Variants in CHAF1A observed in about 807,000 individuals in gnomAD.
CHAF1A encodes the protein chromatin assembly factor 1 subunit A.
Under a neutral mutation model 93.2 loss-of-function variants are expected in CHAF1A, and 5 were observed. The ratio of observed to expected loss-of-function variants is 0.05; its 90% CI spans 0.03 to 0.11. The LOEUF is 0.11. Among genes scored for constraint, CHAF1A ranks in the 10% least tolerant of loss-of-function variants. CHAF1A has a pLI of 1.00. For missense variants in CHAF1A, 1,102 were observed against 1,259.9 expected, an observed-to-expected ratio of 0.87 and a Z score of 1.90; for synonymous variants, 504 against 510.3, an observed-to-expected ratio of 0.99 and a Z score of 0.17.
chr19:4,442,854 A>G (rs1974419487), intron 14 of CHAF1A, 71 bp from the exon 15 acceptor site: 2 of 1,158,472 alleles, frequency 1.7e-6, no homozygotes, highest in Admixed American at 2.8e-5. Context: ...ATGAGGCAGC[A>G]GGGTGGGGTC....
intron 10 of CHAF1A, chr19:4,430,090 A>C: frequency 2.5e-6 from 1 of 403,736 alleles, no homozygotes; most frequent in Non-Finnish European, 4.5e-6. Flanking sequence ...TTTCCTCCTG[A>C]CTGCCCAGCT....
At chr19:4,429,883 C>A in intron 10 of CHAF1A, 95 bp downstream of exon 10, 1 of 1,047,132 alleles carries the variant, frequency 9.5e-7, no homozygotes, top group Non-Finnish European at 1.4e-6. Context: ...CAGCTGTGTT[C>A]ACTCACTGAC....
In CHAF1A at chr19:4,422,599, C is replaced by T. The variant is rs867726470; in HGVS notation, c.1051C>T (p.Arg351Cys). Residue 351 changes from arginine (R) to cysteine (C), a missense_variant, in exon 5 of 15, where the codon CGT becomes TGT. Physicochemically the swap from Arg to Cys is radical, Grantham distance 180. Coordinates refer to ENST00000301280, the MANE Select transcript of CHAF1A (RefSeq NM_005483.3). The surrounding 1 kb of genome is among the most constrained non-coding windows in gnomAD (Gnocchi z 4.6). ...QERLGKQLKL[R>C]AEREEKEKLK... ...GCGTCTGGGCAAGCAGCTCAAGTTACGTGCAGAAAGGGAAGAAAAGGAGAA... is the reference window on the plus strand; with the variant it reads ...GCGTCTGGGCAAGCAGCTCAAGTTATGTGCAGAAAGGGAAGAAAAGGAGAA... 3.2e-6 allele frequency: 5 copies of T among 1,577,336 alleles called. No homozygotes were observed. In the Admixed American group the frequency reaches 7.5e-5, roughly 24 times the overall value.
chr19:4,437,091 G>A (rs970886231), intron 13 of CHAF1A, among the ~76,000 whole-genome samples: 3 of 152,212 alleles, frequency 2.0e-5, no homozygotes, highest in African/African-American at 7.2e-5. Context: ...GGCCTCTGCT[G>A]CGTGGCACAG....
intron 13 of CHAF1A, among the ~76,000 whole-genome samples, chr19:4,441,379 G>A (rs926475842): frequency 1.3e-5 from 2 of 151,968 alleles, no homozygotes; most frequent in Non-Finnish European, 2.9e-5. Flanking sequence ...GGAGGCTGAG[G>A]TGGGTAGATC....
chr19:4,422,517 C>T lies in CHAF1A; in HGVS notation c.1018-49C>T. The T allele has an allele frequency of 6.6e-7, 1 of 1,517,734 alleles. No individual in the cohort carries two copies. The highest frequency in any genetic ancestry group is 8.9e-7 in the Non-Finnish European group (1 of 1,117,674). The allele number at this position is 1,517,734 out of a possible 1,614,324, so 94.0% of individuals were successfully genotyped here. A position where few individuals can be genotyped will look rare whatever the true frequency, so the allele number is the denominator to read the frequency against. On this transcript the variant is annotated intron_variant, in intron 4 of 14. Transcript: ENST00000301280. The surrounding 1 kb of genome is among the most constrained non-coding windows in gnomAD (Gnocchi z 4.6). ...TCCATGCTGTGAACCGAGCTTCCTC[C>T]TGGGAGTTGGAGGGAGGGCCACCTG...
chr19:4,442,422 C>T (rs990978211), intron 14 of CHAF1A, 81 bp downstream of exon 14: 3 of 1,169,582 alleles, frequency 2.6e-6, no homozygotes, highest in South Asian at 2.7e-5. Context: ...GATGGGGCTG[C>T]CTAAGACTAG....
intron 3 of CHAF1A, 139 bp downstream of exon 3, chr19:4,409,898 C>A: frequency 2.1e-6 from 2 of 932,992 alleles, no homozygotes; most frequent in African/African-American, 1.6e-5. Context: ...ACGTGGAGTT[C>A]TTCCTGGTAT....
At chr19:4,439,773 T>G (rs1974352861) in intron 13 of CHAF1A, among the ~76,000 whole-genome samples, 1 of 152,264 alleles carries the variant, frequency 6.6e-6, no homozygotes. Context: ...CCAGGCTCAG[T>G]GGCTCATGCC....
At chr19:4,408,526 T>C (rs1973728302) in intron 2 of CHAF1A, among the ~76,000 whole-genome samples, 3 of 130,578 alleles carry the variant, frequency 2.3e-5, no homozygotes, top group African/African-American at 8.9e-5. Flanking sequence ...CAGGCTACAG[T>C]GCAGTGTTGG....
chr19:4,426,770 A>G (rs957046490), intron 7 of CHAF1A, among the ~76,000 whole-genome samples: 2 of 152,090 alleles, frequency 1.3e-5, no homozygotes, highest in Non-Finnish European at 2.9e-5. Flanking sequence ...CACCACGCCC[A>G]GCTACAGTGT....
At chr19:4,416,647 T>G (rs1184899733) in intron 3 of CHAF1A, among the ~76,000 whole-genome samples, 1 of 114,036 alleles carries the variant, frequency 8.8e-6, no homozygotes, top group East Asian at 3.4e-4. Flanking sequence ...TCCTAGCACT[T>G]TGGGAGGCGA....
At chr19:4,423,774 C>T (rs375321196) in intron 6 of CHAF1A, 32 bp from the exon 7 acceptor site, 178 of 1,605,454 alleles carry the variant, frequency 1.1e-4, no homozygotes, top group Non-Finnish European at 1.4e-4. Context: ...TCTTCCTCTC[C>T]TCTTTCTCAT....
Position 4,433,547 on chromosome 19 carries a change from G to T in CHAF1A, c.2673+8G>T, listed in dbSNP as rs924572410. On this transcript the variant is annotated splice_region_variant and intron_variant, in intron 13 of 14. Coordinates refer to ENST00000301280, the MANE Select transcript of CHAF1A (RefSeq NM_005483.3). The surrounding 1 kb of genome is among the most constrained non-coding windows in gnomAD (Gnocchi z 5.6). ...CGCAGGCACGACGGCCAGGTGAGGT[G>T]GGGTGGGCAGGTGGGGGCCTCTGCA... 1.5e-5 allele frequency: 23 copies of T among 1,560,046 alleles called. No individual in the cohort carries two copies. In the African/African-American group the frequency reaches 2.9e-4, roughly 19 times the overall value.
downstream of CHAF1A, chr19:4,447,619 C>T (rs139475353): frequency 1.3e-5 from 21 of 1,613,922 alleles, no homozygotes; most frequent in African/African-American, 1.6e-4. Context: ...GGATGTTGTC[C>T]AGGTACCTGG....
downstream of CHAF1A, chr19:4,445,604 G>T: frequency 1.2e-6 from 2 of 1,613,496 alleles, no homozygotes; most frequent in African/African-American, 1.3e-5. Flanking sequence ...CCACGAGAAG[G>T]TCAGGAGGGC....
At chr19:4,406,292 T>TGATATTG (rs1185167703) in intron 2 of CHAF1A, among the ~76,000 whole-genome samples, 1 of 152,204 alleles carries the variant, frequency 6.6e-6, no homozygotes, top group Non-Finnish European at 1.5e-5. Flanking sequence ...AAAATATCTC[T>TGATATTG]ATACGTGGCT....
At chr19:4,403,152 C>T (rs1442477827) in intron 1 of CHAF1A, among the ~76,000 whole-genome samples, 1 of 152,100 alleles carries the variant, frequency 6.6e-6, no homozygotes, top group Non-Finnish European at 1.5e-5. Context: ...TTACTGGATG[C>T]GTTTGTGTCC....
chr19:4,406,724 C>T (rs1304084769), intron 2 of CHAF1A, among the ~76,000 whole-genome samples: 1 of 152,134 alleles, frequency 6.6e-6, no homozygotes, highest in Non-Finnish European at 1.5e-5. Context: ...TGAGCCACCG[C>T]ACCCGGCCCA....
Sources: gnomAD v4.1 joint callset for allele counts (sites outside exome capture counted in the v4.1 genomes callset) on GRCh38, gnomAD v4.1.1 for gene constraint, Gnocchi (gnomAD v3.1) non-coding constraint, MANE v1.5 for transcripts, NCBI Gene and HGNC (gene_info 2026-07-23, HGNC 2026-07-21) for gene names.